The following PAAF1 variants were observed in gnomAD, a reference collection of about 807,000 sequenced individuals.
The protein encoded by PAAF1 is proteasomal ATPase associated factor 1, also known as proteasomal ATPase-associated factor 1.
In PAAF1, 46 loss-of-function variants were observed where a neutral mutation model predicts 52.8. The observed-to-expected ratio is 0.87, with a 90% CI of 0.69 to 1.11. The LOEUF (loss-of-function observed/expected upper bound fraction) is 1.11. Ranked by LOEUF, PAAF1 falls within the 50% of genes most tolerant of loss-of-function variation. PAAF1 has a pLI of 0.00. For missense variants in PAAF1, 424 were observed against 477.4 expected, an observed-to-expected ratio of 0.89 and a Z score of 1.04; for synonymous variants, 178 against 172.8, an observed-to-expected ratio of 1.03 and a Z score of -0.24.
chr11:73,886,672 CAAAAAA>C (rs55697916), intron 2 of PAAF1, among the ~76,000 whole-genome samples: 95 of 34,274 alleles, frequency 2.8e-3, no homozygotes, highest in African/African-American at 6.8e-3. Context: ...GACTCCATCT[CAAAAAA>C]AAAAAAAAAA....
intron 4 of PAAF1, among the ~76,000 whole-genome samples, chr11:73,894,242 T>C (rs1949284308): frequency 1.3e-5 from 2 of 152,170 alleles, no homozygotes. Context: ...CAGTGGCCCA[T>C]GCCTGTACCC....
chr11:73,893,956 G>A (rs924926446), intron 4 of PAAF1, among the ~76,000 whole-genome samples: 3 of 151,920 alleles, frequency 2.0e-5, no homozygotes, highest in African/African-American at 7.3e-5. Context: ...CTAGTCGCCT[G>A]GCTTAAAAAT....
At chr11:73,876,982 GA>G, upstream of PAAF1, 1 of 1,502,132 alleles carries the variant, frequency 6.7e-7, no homozygotes, top group Non-Finnish European at 8.9e-7. Flanking sequence ...TCACTTCCGG[GA>G]AGGGGCGGAA....
intron 6 of PAAF1, among the ~76,000 whole-genome samples, chr11:73,901,915 G>A (rs1310959730): frequency 2.1e-5 from 3 of 139,592 alleles, no homozygotes; most frequent in African/African-American, 8.2e-5. Context: ...CCAGTCTGGA[G>A]TGCAGTGATG....
In PAAF1 at chr11:73,909,420, T is replaced by C. The variant is rs372249591; in HGVS notation, c.554T>C (p.Val185Ala). 5 of 1,613,858 alleles carry C rather than the reference T, an allele frequency of 3.1e-6. No individual in the cohort carries two copies. Among genetic ancestry groups the C allele is most frequent in the Non-Finnish European group, 4.2e-6 (5 of 1,179,922 alleles). Residue 185 changes from valine to alanine, a missense_variant, in exon 7 of 12, where the codon GTT becomes GCT. Physicochemically the swap from Val to Ala is moderately conservative, Grantham distance 64. Coordinates refer to ENST00000310571, the MANE Select transcript of PAAF1 (RefSeq NM_025155.3). ...HKGGILDTAI[V>A]DRGRNVVSAS... ...CTAGGTATCCTGGATACAGCCATCG[T>C]TGATCGGGGGAGGAATGTGGTGTCT...
intron 4 of PAAF1, among the ~76,000 whole-genome samples, chr11:73,898,580 G>C (rs1949498060): frequency 6.6e-6 from 1 of 152,140 alleles, no homozygotes; most frequent in African/African-American, 2.4e-5. Flanking sequence ...ACTCTGGGAG[G>C]CTGAGATGGG....
At chr11:73,876,715 T>G (rs1383201359), upstream of PAAF1, 1 of 284,412 alleles carries the variant, frequency 3.5e-6, no homozygotes, top group Non-Finnish European at 6.5e-6. Flanking sequence ...AGCCCCGTTG[T>G]GCCCGCAACG....
intron 8 of PAAF1, among the ~76,000 whole-genome samples, chr11:73,915,638 T>G (rs1257032176): frequency 2.0e-5 from 3 of 152,192 alleles, no homozygotes; most frequent in Non-Finnish European, 4.4e-5. Flanking sequence ...TCAGGACTCT[T>G]GATCAATTAA....
chr11:73,887,462 GT>G lies in PAAF1; in HGVS notation c.192+10del. Reference sequence around the variant, plus strand: ...ACTGTGAATGAAATAAACAAGGTATGTTTTTATGTCTTCTAGATGGCATGAT... The same window carrying G: ...ACTGTGAATGAAATAAACAAGGTATGTTTTATGTCTTCTAGATGGCATGAT... On this transcript the variant is annotated splice_donor_region_variant and intron_variant, in intron 3 of 11. Transcript: ENST00000310571. The G allele has an allele frequency of 2.5e-6, 4 of 1,583,762 alleles. No individual in the cohort carries two copies. Among genetic ancestry groups the G allele is most frequent in the South Asian group, 1.2e-5 (1 of 86,742 alleles).
chr11:73,891,060 A>G (rs1159386323), intron 3 of PAAF1, 52 bp from the exon 4 acceptor site: 1 of 1,059,642 alleles, frequency 9.4e-7, no homozygotes, highest in Non-Finnish European at 1.4e-6. Context: ...CTTTAATTAT[A>G]ATACATTGGA....
chr11:73,876,813 C>T (rs1028624910), upstream of PAAF1: 6 of 441,672 alleles, frequency 1.4e-5, no homozygotes, highest in African/African-American at 1.0e-4. Flanking sequence ...GCTTGGGTTT[C>T]GCAGGCGGTT....
rs189287658 is a variant in PAAF1 at position 73,926,634 on chromosome 11, G to A, written c.1102-651G>A. Reference sequence around the variant, plus strand: ...TGAGGCAGGAGAATGGCGTGAACCCGGGAGGCGGAGCTTGCAGTGAGCCAA... The same window carrying A: ...TGAGGCAGGAGAATGGCGTGAACCCAGGAGGCGGAGCTTGCAGTGAGCCAA... On this transcript the variant is annotated intron_variant, in intron 11 of 11. Coordinates refer to ENST00000310571, the MANE Select transcript of PAAF1 (RefSeq NM_025155.3). 6.4e-3 allele frequency among the ~76,000 whole-genome samples: 978 copies of A among 152,236 alleles called. 5 individuals are homozygous for A. Among genetic ancestry groups the A allele is most frequent in the Non-Finnish European group, 0.011 (767 of 68,014 alleles).
chr11:73,907,981 T>G (rs559814129), intron 6 of PAAF1, among the ~76,000 whole-genome samples: 2 of 152,226 alleles, frequency 1.3e-5, no homozygotes, highest in African/African-American at 4.8e-5. Context: ...AGGAACTCAT[T>G]GCTGTGTTGT....
chr11:73,896,863 A>G (rs1389204373), intron 4 of PAAF1, among the ~76,000 whole-genome samples: 1 of 150,826 alleles, frequency 6.6e-6, no homozygotes, highest in Admixed American at 6.6e-5. Flanking sequence ...CTCACTTCCC[A>G]GTAGGCGCGG....
chr11:73,889,336 T>C (rs187903420), intron 3 of PAAF1: 11 of 768,394 alleles, frequency 1.4e-5, no homozygotes, highest in Non-Finnish European at 1.1e-5. Flanking sequence ...TCTTAAACAG[T>C]AGATCTGTCA....
At chr11:73,890,978 GGAAA>G in intron 3 of PAAF1, 130 bp from the exon 4 acceptor site, 1 of 602,584 alleles carries the variant, frequency 1.7e-6, no homozygotes. Context: ...TTGTGGGGTG[GGAAA>G]GGAGAACGAG....
rs1565143550 is a variant in PAAF1 at position 73,908,295 on chromosome 11, G to GTGTGTGTATATGTATATATA, written c.533-1099_533-1098insGTATATGTATATATATGTGT. On this transcript the variant is annotated intron_variant, in intron 6 of 11. Coordinates refer to ENST00000310571, the MANE Select transcript of PAAF1 (RefSeq NM_025155.3). ...TATATGTGTATATATGTATATATAT[G>GTGTGTGTATATGTATATATA]TGTGTATATATGTATATATATGTGT... is the stretch of plus-strand genomic sequence containing the variant. 4.6e-3 allele frequency among the ~76,000 whole-genome samples: 658 copies of GTGTGTGTATATGTATATATA among 144,242 alleles called. 5 individuals carry two copies. The highest frequency in any genetic ancestry group is 0.016 in the African/African-American group (599 of 38,194). 94.6% of individuals were successfully genotyped at this position (144,242 alleles called of 152,430 possible).
At chr11:73,923,768 A>C (rs1950287694) in intron 10 of PAAF1, among the ~76,000 whole-genome samples, 1 of 152,096 alleles carries the variant, frequency 6.6e-6, no homozygotes, top group Non-Finnish European at 1.5e-5. Flanking sequence ...CAGTTTATAG[A>C]TCACCCCTAT....
intron 2 of PAAF1, among the ~76,000 whole-genome samples, chr11:73,885,147 C>CT (rs1175807223): frequency 4.3e-4 from 59 of 138,766 alleles, no homozygotes; most frequent in Admixed American, 2.7e-3. Context: ...GCGTGATATT[C>CT]TTTTTTTTTG....
Sources: allele counts gnomAD v4.1 joint callset (sites outside exome capture counted in the v4.1 genomes callset), GRCh38; gene constraint gnomAD v4.1.1; transcripts MANE v1.5; gene names NCBI Gene and HGNC (gene_info 2026-07-23, HGNC 2026-07-21).